Variants in AGBL4 observed in about 807,000 individuals in gnomAD.
The protein encoded by AGBL4 is AGBL carboxypeptidase 4.
In AGBL4, 58 loss-of-function variants were observed where a neutral mutation model predicts 66.4. The observed-to-expected ratio is 0.87, with a 90% CI of 0.71 to 1.09. The LOEUF (loss-of-function observed/expected upper bound fraction) is 1.09. Among genes scored for constraint, AGBL4 ranks in the 50% least tolerant of loss-of-function variants. The pLI is 0.00. For synonymous variants in AGBL4, 234 were observed against 222.9 expected, an observed-to-expected ratio of 1.05 and a Z score of -0.44; for missense variants, 579 against 631.0, an observed-to-expected ratio of 0.92 and a Z score of 0.88.
chr1:48,558,638 CCAATT>C (rs1472661239), intron 11 of AGBL4, among the ~76,000 whole-genome samples: 1 of 152,222 alleles, frequency 6.6e-6, no homozygotes, highest in Non-Finnish European at 1.5e-5. Flanking sequence ...CTTCTGGCAG[CCAATT>C]TGCTTCTAGC....
At chr1:48,816,077 GT>G (rs1646168334) in intron 6 of AGBL4, among the ~76,000 whole-genome samples, 1 of 150,106 alleles carries the variant, frequency 6.7e-6, no homozygotes. Flanking sequence ...GTGTGTGTGT[GT>G]GTGTGTGTGT....
intron 1 of AGBL4, among the ~76,000 whole-genome samples, chr1:49,939,396 C>T (rs1028926748): frequency 4.6e-5 from 7 of 151,996 alleles, no homozygotes; most frequent in South Asian, 2.1e-4. Flanking sequence ...CATTGCCAAG[C>T]CAATCCTAAG....
intron 5 of AGBL4, among the ~76,000 whole-genome samples, chr1:48,906,608 G>A (rs12046426): frequency 6.6e-6 from 1 of 152,092 alleles, no homozygotes; most frequent in South Asian, 2.1e-4. Context: ...TCAGAGTTGG[G>A]GGCCTGGAAA....
chr1:49,282,390 C>G (rs1210692800), intron 3 of AGBL4, among the ~76,000 whole-genome samples: 2 of 152,066 alleles, frequency 1.3e-5, no homozygotes, highest in African/African-American at 2.4e-5. Flanking sequence ...GGGTATGGTA[C>G]TATTCAAAAG....
chr1:48,791,313 T>C (rs1422247020), intron 6 of AGBL4, among the ~76,000 whole-genome samples: 1 of 152,182 alleles, frequency 6.6e-6, no homozygotes, highest in Non-Finnish European at 1.5e-5. Flanking sequence ...GAAGAAGCCT[T>C]TTAGCTGAGG....
At chr1:48,888,604 T>C (rs1650601048) in intron 5 of AGBL4, among the ~76,000 whole-genome samples, 1 of 152,212 alleles carries the variant, frequency 6.6e-6, no homozygotes, top group African/African-American at 2.4e-5. Context: ...CCATGATTGA[T>C]TGCAAGTTTC....
intron 2 of AGBL4, among the ~76,000 whole-genome samples, chr1:49,721,134 A>C (rs1648573126): frequency 6.6e-6 from 1 of 152,128 alleles, no homozygotes; most frequent in Non-Finnish European, 1.5e-5. Flanking sequence ...AAATGCACCA[A>C]TCAGAAAGAT....
chr1:49,778,606 C>A (rs943646440), intron 2 of AGBL4, among the ~76,000 whole-genome samples: 1 of 152,134 alleles, frequency 6.6e-6, no homozygotes, highest in Admixed American at 6.6e-5. Context: ...AAGAGTAAAT[C>A]TAGCAAAGAG....
chr1:50,001,431 G>GTGTGTGTCTGTATA (rs1553158988), intron 1 of AGBL4, among the ~76,000 whole-genome samples: 1 of 151,068 alleles, frequency 6.6e-6, no homozygotes, highest in African/African-American at 2.4e-5. Context: ...GTGTGTGTGT[G>GTGTGTGTCTGTATA]TGTGTGTGTG....
rs372960346 is a variant in AGBL4, at chr1:50,002,359, C to CTTTT, written c.34+21400_34+21403dup. 1.3e-3 allele frequency among the ~76,000 whole-genome samples: 128 copies of CTTTT among 96,026 alleles called. 12 individuals are homozygous for CTTTT. The highest frequency in any genetic ancestry group is 3.5e-3 in the African/African-American group (78 of 22,152). The allele number at this position is 96,026 out of a possible 152,430, so 63.0% of individuals were successfully genotyped here. On this transcript the variant is annotated intron_variant, in intron 1 of 13. Transcript: ENST00000371839. Reference sequence around the variant, plus strand: ...TTGAGCCCTTAAATCTGCCCTAGTTCTTTTTTTTTTTTTTTTTTTTTTTTT... The same window carrying CTTTT: ...TTGAGCCCTTAAATCTGCCCTAGTTCTTTTTTTTTTTTTTTTTTTTTTTTTTTTT...
intron 6 of AGBL4, among the ~76,000 whole-genome samples, chr1:48,741,247 A>T (rs1649867471): frequency 6.6e-6 from 1 of 152,242 alleles, no homozygotes; most frequent in Non-Finnish European, 1.5e-5. Context: ...AAGGTTCACC[A>T]AACTTAGATA....
intron 5 of AGBL4, among the ~76,000 whole-genome samples, chr1:49,009,513 C>A (rs1230150520): frequency 1.3e-5 from 2 of 151,982 alleles, no homozygotes; most frequent in African/African-American, 4.8e-5. Flanking sequence ...AGGGAATCCT[C>A]CCTAACTCAT....
intron 6 of AGBL4, among the ~76,000 whole-genome samples, chr1:48,812,194 T>C (rs1646067751): frequency 6.6e-6 from 1 of 152,192 alleles, no homozygotes; most frequent in African/African-American, 2.4e-5. Flanking sequence ...AAGAGGCATA[T>C]TTCTCAAGGC....
Position 49,464,652 on chromosome 1 carries a change from A to G in AGBL4, c.283-218788T>C, listed in dbSNP as rs569334969. Among the ~76,000 whole-genome samples, 59 of 151,880 alleles carry G rather than the reference A, an allele frequency of 3.9e-4. 1 individual carries two copies. The highest frequency in any genetic ancestry group is 1.3e-3 in the African/African-American group (56 of 41,514). ...ACTGGAAACACAGAGATGGAACACA[A>G]TATGTCTCATTTCAAAGAGCCCAAT... On this transcript the variant is annotated intron_variant, in intron 3 of 13. Transcript: ENST00000371839.
intron 3 of AGBL4, among the ~76,000 whole-genome samples, chr1:49,390,599 A>G (rs1644824712): frequency 6.6e-6 from 1 of 152,224 alleles, no homozygotes; most frequent in African/African-American, 2.4e-5. Context: ...TAAGGAAACT[A>G]TCTTACAAAA....
chr1:49,462,372 G>T (rs1249594731), intron 3 of AGBL4, among the ~76,000 whole-genome samples: 1 of 151,678 alleles, frequency 6.6e-6, no homozygotes, highest in African/African-American at 2.4e-5. Context: ...ATAAGACTTG[G>T]TGACAGATTG....
chr1:49,609,902 T>G (rs896664474), intron 3 of AGBL4, among the ~76,000 whole-genome samples: 3 of 152,024 alleles, frequency 2.0e-5, no homozygotes, highest in Non-Finnish European at 4.4e-5. Flanking sequence ...AATGCTAAAG[T>G]TTTTTTTATA....
rs190756264 is a variant in AGBL4, at chr1:49,099,400, T to C, written c.378-53600A>G. On this transcript the variant is annotated intron_variant, in intron 4 of 13. Coordinates refer to ENST00000371839, the MANE Select transcript of AGBL4 (RefSeq NM_032785.4). ...AAGTCATGAAGTGTAAATCTGGAGA[T>C]TGGGTTCTCATTCCAGCTCTGTCAC... Among the ~76,000 whole-genome samples the C allele has an allele frequency of 1.2e-3, 186 of 152,206 alleles. 1 individual carries two copies. The highest frequency in any genetic ancestry group is 6.8e-3 in the Middle Eastern group (2 of 294).
At chr1:49,219,187 C>T (rs1484328962) in intron 4 of AGBL4, among the ~76,000 whole-genome samples, 1 of 152,104 alleles carries the variant, frequency 6.6e-6, no homozygotes, top group African/African-American at 2.4e-5. Context: ...CTATGATGCA[C>T]AGGATTGTCA....
Sources: allele counts gnomAD v4.1 joint callset (sites outside exome capture counted in the v4.1 genomes callset), GRCh38; gene constraint gnomAD v4.1.1; transcripts MANE v1.5; gene names NCBI Gene and HGNC (gene_info 2026-07-23, HGNC 2026-07-21).